NPEPPS: variants seen among roughly 807,000 people sequenced by gnomAD.
NPEPPS encodes the protein aminopeptidase puromycin sensitive, also known as puromycin-sensitive aminopeptidase.
A neutral mutation model predicts 115.5 loss-of-function variants in NPEPPS; 14 were observed. That is an observed-to-expected ratio of 0.12 (90% CI 0.08 to 0.19). The LOEUF is 0.19. NPEPPS is among the 10% of genes least tolerant of loss of function. The probability of loss-of-function intolerance (pLI) is 1.00; values close to 1 mark genes in which losing one functional copy is unlikely to be tolerated. For synonymous variants in NPEPPS, 285 were observed against 390.6 expected, an observed-to-expected ratio of 0.73 and a Z score of 3.19; for missense variants, 523 against 1,110.8, an observed-to-expected ratio of 0.47 and a Z score of 7.52.
chr17:47,536,988 C>CGA (rs1288877823), intron 1 of NPEPPS, among the ~76,000 whole-genome samples: 2 of 148,864 alleles, frequency 1.3e-5, no homozygotes, highest in African/African-American at 5.0e-5. Flanking sequence ...GCTGGGATCA[C>CGA]AGGCATGAGC....
Position 47,551,112 on chromosome 17 carries a change from C to T in NPEPPS, c.340+5119C>T, listed in dbSNP as rs568356529. On this transcript the variant is annotated intron_variant, in intron 2 of 22. Transcript: ENST00000322157. ...ACTTTACTCTGAAGATATACTCTTC[C>T]ATTTAAATACTAGTTCCAAAACCTA... 2.0e-5 allele frequency among the ~76,000 whole-genome samples: 3 copies of T among 152,246 alleles called. No homozygotes were observed. The South Asian group carries it at 6.2e-4, about 32-fold the overall frequency.
chr17:47,573,568 A>G (rs1167221066), intron 3 of NPEPPS, among the ~76,000 whole-genome samples: 2 of 152,214 alleles, frequency 1.3e-5, no homozygotes, highest in Non-Finnish European at 2.9e-5. Flanking sequence ...TTGAAAAATG[A>G]AGAAATAGGC....
At chr17:47,568,157 CTT>C (rs758924751) in intron 2 of NPEPPS, among the ~76,000 whole-genome samples, 1 of 142,920 alleles carries the variant, frequency 7.0e-6, no homozygotes. Flanking sequence ...CTACCTTATA[CTT>C]TTTTTTTTTT....
At chr17:47,526,403 TGAG>T (rs1907434443), upstream of NPEPPS, among the ~76,000 whole-genome samples, 1 of 152,056 alleles carries the variant, frequency 6.6e-6, no homozygotes, top group South Asian at 2.1e-4. Flanking sequence ...CCGAAAAAGA[TGAG>T]GAGGTCATTC....
intron 3 of NPEPPS, among the ~76,000 whole-genome samples, chr17:47,574,193 TA>T (rs1911368313): frequency 6.6e-6 from 1 of 152,046 alleles, no homozygotes; most frequent in African/African-American, 2.4e-5. Context: ...ATTAAACTCA[TA>T]AAAACAAAAG....
intron 12 of NPEPPS, among the ~76,000 whole-genome samples, chr17:47,593,523 G>A (rs1250433303): frequency 6.6e-6 from 1 of 152,180 alleles, no homozygotes; most frequent in Admixed American, 6.5e-5. Flanking sequence ...TGGCACCACT[G>A]CACTCCAGCC....
chr17:47,584,049 C>T (rs1912042383), intron 5 of NPEPPS, among the ~76,000 whole-genome samples: 1 of 151,784 alleles, frequency 6.6e-6, no homozygotes, highest in Non-Finnish European at 1.5e-5. Flanking sequence ...GGTGAAACCC[C>T]ATCTCTACTA....
intron 17 of NPEPPS, among the ~76,000 whole-genome samples, chr17:47,606,913 T>C (rs1252554569): frequency 6.6e-6 from 1 of 151,938 alleles, no homozygotes; most frequent in Non-Finnish European, 1.5e-5. Flanking sequence ...AAAATAAAGT[T>C]GCCAGGGGTG....
At chr17:47,546,253 A>AAAAC (rs1027533174) in intron 2 of NPEPPS, among the ~76,000 whole-genome samples, 58 of 152,090 alleles carry the variant, frequency 3.8e-4, no homozygotes, top group African/African-American at 1.3e-3. Context: ...TGGCGAAACA[A>AAAAC]AAACAAACAA....
intron 12 of NPEPPS, 149 bp downstream of exon 12, chr17:47,592,694 A>C (rs1912583081): frequency 1.6e-6 from 1 of 632,376 alleles, no homozygotes; most frequent in Admixed American, 3.3e-5. Context: ...CAGGTTGAAT[A>C]TCTCTAATCT....
chr17:47,569,985 T>C (rs1911097528), intron 3 of NPEPPS, among the ~76,000 whole-genome samples: 2 of 152,204 alleles, frequency 1.3e-5, no homozygotes, highest in African/African-American at 4.8e-5. Flanking sequence ...TCTGCGGAAG[T>C]TGGGCTACGA....
At chr17:47,587,788 A>G (rs1456846846) in intron 9 of NPEPPS, among the ~76,000 whole-genome samples, 2 of 152,152 alleles carry the variant, frequency 1.3e-5, no homozygotes, top group East Asian at 1.9e-4. Context: ...CAGTTTTTTC[A>G]TTGCCTAAAA....
Position 47,603,976 on chromosome 17 carries a change from T to C in NPEPPS, c.1802T>C (p.Leu601Ser). The C allele has an allele frequency of 6.2e-7, 1 of 1,613,824 alleles. No homozygotes were observed. Among genetic ancestry groups the C allele is most frequent in the Non-Finnish European group, 8.5e-7 (1 of 1,179,770 alleles). Residue 601 changes from leucine to serine, a missense_variant, in exon 16 of 23, where the codon TTA (leucine) becomes TCA (serine). Physicochemically the swap from Leu to Ser is moderately radical, Grantham distance 145. This residue lies in a region of NPEPPS where 372 missense variants were observed against 542.6 expected (regional missense o/e 0.69). Transcript: ENST00000322157. ...TACAGCTCTGCCATGCTGGAAAGTT[T>C]ATTACCAGGCATTCGTGACCTTTCT... ...TQYSSAMLES[L>S]LPGIRDLSLP...
intron 12 of NPEPPS, 147 bp from the exon 13 acceptor site, chr17:47,596,206 A>T: frequency 1.8e-6 from 1 of 543,322 alleles, no homozygotes; most frequent in East Asian, 3.2e-5. Flanking sequence ...GAGGGGTGGC[A>T]AGGGGAATGT....
chr17:47,586,530 G>A (rs2611871), intron 8 of NPEPPS, 132 bp downstream of exon 8: 12 of 732,958 alleles, frequency 1.6e-5, no homozygotes, highest in South Asian at 3.2e-5. Context: ...CCCCACTTCC[G>A]TGCACATTTC....
intron 19 of NPEPPS, among the ~76,000 whole-genome samples, chr17:47,616,191 C>T (rs1914187729): frequency 1.3e-5 from 2 of 152,116 alleles, no homozygotes; most frequent in African/African-American, 4.8e-5. Flanking sequence ...GATCACACAG[C>T]TAGTTAGAGG....
At chr17:47,598,532 G>A (rs973074821) in intron 13 of NPEPPS, among the ~76,000 whole-genome samples, 1 of 152,072 alleles carries the variant, frequency 6.6e-6, no homozygotes, top group African/African-American at 2.4e-5. Flanking sequence ...CAGCACTTTG[G>A]GAGGATCACT....
At chr17:47,536,794 C>G (rs1408196286) in intron 1 of NPEPPS, among the ~76,000 whole-genome samples, 1 of 149,090 alleles carries the variant, frequency 6.7e-6, no homozygotes, top group African/African-American at 2.5e-5. Flanking sequence ...TCACCGCAAC[C>G]TCTGCCTCCC....
chr17:47,622,195 G>A lies in NPEPPS; in HGVS notation c.*275G>A. ...TAACGAAACTGTGAAACTTTCTGAA[G>A]CCTTGTCAGTGGTTAAAAGTATTTA... On this transcript the variant is annotated 3_prime_UTR_variant, in exon 23 of 23. Coordinates refer to ENST00000322157, the MANE Select transcript of NPEPPS (RefSeq NM_006310.4). 1 of 730,662 alleles carries A rather than the reference G, an allele frequency of 1.4e-6. No homozygotes were observed. The highest frequency in any genetic ancestry group is 1.8e-6 in the Non-Finnish European group (1 of 565,336). The allele number at this position is 730,662 out of a possible 1,614,324, so 45.3% of individuals were successfully genotyped here. A position where few individuals can be genotyped will look rare whatever the true frequency, so the allele number is the denominator to read the frequency against.
Sources: gnomAD v4.1 joint callset for allele counts (sites outside exome capture counted in the v4.1 genomes callset) on GRCh38, gnomAD v4.1.1 for gene constraint, gnomAD v4.1.1 regional missense constraint, MANE v1.5 for transcripts, NCBI Gene and HGNC (gene_info 2026-07-23, HGNC 2026-07-21) for gene names.